Variants in PRDM2 observed in about 807,000 individuals in gnomAD.
PRDM2 encodes the protein PR domain zinc finger protein 2.
A neutral mutation model predicts 130.0 loss-of-function variants in PRDM2; 30 were observed. The ratio of observed to expected loss-of-function variants is 0.23; its 90% CI spans 0.17 to 0.31. PRDM2 has a LOEUF of 0.31. Among genes scored for constraint, PRDM2 ranks in the 10% least tolerant of loss-of-function variants. PRDM2 has a pLI of 1.00. For missense variants in PRDM2, 2,011 were observed against 2,108.4 expected (o/e 0.95, Z 0.90); for synonymous variants, 871 against 782.4 (o/e 1.11, Z -1.89).
intron 2 of PRDM2, among the ~76,000 whole-genome samples, chr1:13,716,226 T>C (rs891218667): frequency 5.3e-5 from 8 of 149,758 alleles, no homozygotes; most frequent in African/African-American, 1.5e-4. Context: ...CGCATATTCT[T>C]ATTCATAGGT....
intron 7 of PRDM2, 155 bp downstream of exon 7, chr1:13,773,343 G>A (rs1401910009): frequency 4.6e-6 from 2 of 435,104 alleles, no homozygotes; most frequent in Non-Finnish European, 8.3e-6. Context: ...GGTAAGCTGA[G>A]CCTTCTATAT....
In PRDM2 at chr1:13,726,292, C is replaced by T. The variant is rs147225474; in HGVS notation, c.10-4708C>T. On this transcript the variant is annotated intron_variant, in intron 2 of 9. Transcript: ENST00000311066. ...GTTATATTCCCTAAGCTCCTCACCC[C>T]GTCCAGCATGGAAAGGTCATCCTGG... Among the ~76,000 whole-genome samples, 44 of 152,304 alleles carry T rather than the reference C, an allele frequency of 2.9e-4. No individual in the cohort carries two copies. In the East Asian group the frequency reaches 7.5e-3, roughly 26 times the overall value.
chr1:13,715,456 C>A (rs1305444805), intron 1 of PRDM2, 85 bp from the exon 2 acceptor site: 1 of 528,004 alleles, frequency 1.9e-6, no homozygotes, highest in Non-Finnish European at 3.2e-6. Context: ...GCCCTTTCAG[C>A]AAACTCTACA....
At position 13,750,398 on chromosome 1, in the gene PRDM2, G is replaced by GT. The variant is rs542085989; in HGVS notation, c.511+921dup. Among the ~76,000 whole-genome samples the GT allele has an allele frequency of 4.4e-3, 626 of 143,078 alleles. 3 individuals carry two copies. Among genetic ancestry groups the GT allele is most frequent in the South Asian group, 0.04 (178 of 4,490 alleles). 93.9% of individuals were successfully genotyped at this position (143,078 alleles called of 152,430 possible). A position where few individuals can be genotyped will look rare whatever the true frequency, so the allele number is the denominator to read the frequency against. ...GTGTTTTTTGTTTTTTTGTTTTTTT[G>GT]TTTTTTTTTTGCTCTCCTTAGGTCT... On this transcript the variant is annotated intron_variant, in intron 6 of 9. Transcript: ENST00000311066.
rs565636821 is a variant in PRDM2 at position 13,778,520 on chromosome 1, C to G, written c.725C>G (p.Pro242Arg). 1.2e-6 allele frequency: 2 copies of G among 1,614,184 alleles called. No homozygotes were observed. Among genetic ancestry groups the G allele is most frequent in the South Asian group, 2.2e-5 (2 of 91,082 alleles). Reference protein sequence around the residue: ...SQEVPPELATPAPAWEPQPEP... With the variant: ...SQEVPPELATRAPAWEPQPEP... ...GAGGTGCCTCCAGAACTAGCAACCCCTGCCCCTGCCTGGGAGCCACAGCCA... is the reference window on the plus strand; with the variant it reads ...GAGGTGCCTCCAGAACTAGCAACCCGTGCCCCTGCCTGGGAGCCACAGCCA... Residue 242 changes from proline (P) to arginine (R), a missense_variant, in exon 8 of 10, where the codon CCT (proline) becomes CGT (arginine). Physicochemically the swap from Pro to Arg is moderately radical, Grantham distance 103. Coordinates refer to ENST00000311066, the MANE Select transcript of PRDM2 (RefSeq NM_001393986.1).
chr1:13,754,733 G>T (rs990632673), intron 6 of PRDM2, among the ~76,000 whole-genome samples: 10 of 152,240 alleles, frequency 6.6e-5, no homozygotes, highest in African/African-American at 2.4e-4. Flanking sequence ...GATGATGGTA[G>T]ATGGGCCCTA....
Position 13,778,784 on chromosome 1 carries a change from C to G in PRDM2, c.989C>G (p.Thr330Ser). ...LEEPKTTSEE[T>S]LEDCSEVTPA... ...GAACCAAAAACAACTTCAGAAGAAA[C>G]TCTTGAAGACTGCTCAGAGGTAACA... is the stretch of plus-strand genomic sequence containing the variant. Residue 330 changes from threonine to serine, a missense_variant, in exon 8 of 10, where the codon ACT becomes AGT. Thr to Ser is a moderately conservative substitution (Grantham distance 58). This residue lies in a region of PRDM2 where 1,288 missense variants were observed against 1,237.7 expected (regional missense o/e 1.04). Coordinates refer to ENST00000311066, the MANE Select transcript of PRDM2 (RefSeq NM_001393986.1). 1 of 1,613,982 alleles carries G rather than the reference C, an allele frequency of 6.2e-7. No homozygotes were observed. The highest frequency in any genetic ancestry group is 1.3e-5 in the African/African-American group (1 of 74,988).
chr1:13,794,573 C>T (rs935300179), intron 8 of PRDM2, among the ~76,000 whole-genome samples: 8 of 152,174 alleles, frequency 5.3e-5, no homozygotes, highest in African/African-American at 1.7e-4. Flanking sequence ...TCTCCGAGCC[C>T]GTTTTCCTTT....
At position 13,779,114 on chromosome 1, in the gene PRDM2, T is replaced by C; in HGVS notation, c.1319T>C (p.Val440Ala). 6.2e-7 allele frequency: 1 copy of C among 1,614,120 alleles called. No homozygotes were observed. Among genetic ancestry groups the C allele is most frequent in the South Asian group, 1.1e-5 (1 of 91,078 alleles). ...GATGGCAAAGCATCTGGAGAAAACG[T>C]TGCTTCAAAAGATGATTCGAGTCCT... is the stretch of plus-strand genomic sequence containing the variant. Reference protein sequence around the residue: ...LADGKASGENVASKDDSSPPS... With the variant: ...LADGKASGENAASKDDSSPPS... The change falls in exon 8 of 10, where the codon GTT becomes GCT. Residue 440 changes from valine to alanine, a missense_variant. Transcript: ENST00000311066. This position sits in a 1 kb window ranked among gnomAD's most constrained non-coding sequence, Gnocchi z 4.9.
At chr1:13,723,744 A>G (rs78095306) in intron 2 of PRDM2, among the ~76,000 whole-genome samples, 2,743 of 152,162 alleles carry the variant, frequency 0.018, 64 homozygotes, top group South Asian at 0.12. Flanking sequence ...ATCCACTTCC[A>G]TGGACTCCAT....
chr1:13,820,879 A>C (rs1378850370), intron 9 of PRDM2, among the ~76,000 whole-genome samples: 2 of 148,932 alleles, frequency 1.3e-5, no homozygotes, highest in African/African-American at 5.0e-5. Flanking sequence ...GAATACAGCC[A>C]CTCCATAGCC....
chr1:13,710,274 T>C (rs932748759), intron 1 of PRDM2, among the ~76,000 whole-genome samples: 1 of 152,204 alleles, frequency 6.6e-6, no homozygotes, highest in Non-Finnish European at 1.5e-5. Context: ...CTGTCCCACA[T>C]GTGTCTAGAT....
intron 8 of PRDM2, among the ~76,000 whole-genome samples, chr1:13,800,281 G>A (rs1007877407): frequency 3.3e-5 from 5 of 152,194 alleles, no homozygotes; most frequent in Middle Eastern, 3.2e-3. Flanking sequence ...ACACAGATGC[G>A]GGAATAGAGA....
chr1:13,719,043 G>C (rs1043939786), intron 2 of PRDM2, among the ~76,000 whole-genome samples: 1 of 152,112 alleles, frequency 6.6e-6, no homozygotes, highest in Admixed American at 6.6e-5. Context: ...TACTCCAAGA[G>C]GGAGACAGTT....
rs199937180 is a variant in PRDM2 at position 13,782,827 on chromosome 1, T to C, written c.5032T>C (p.Phe1678Leu). ...CAGCGCCAAGCAGGAGCTGAAGGAC[T>C]TCAGGTAAGCTCAGGAGCTGGTGGG... is the stretch of plus-strand genomic sequence containing the variant. ...DGSAKQELKD[F>L]SYSLRLASRC... Residue 1678 changes from phenylalanine (F) to leucine (L), a missense_variant, in exon 8 of 10, where the codon TTC (phenylalanine) becomes CTC (leucine). Around this residue, in one of 5 missense-constraint regions of PRDM2, gnomAD observed 410 missense variants for 395.9 expected, o/e 1.04. Transcript: ENST00000311066. 8.7e-6 allele frequency: 14 copies of C among 1,609,192 alleles called. No homozygotes were observed. The highest frequency in any genetic ancestry group is 2.2e-5 in the East Asian group (1 of 44,880).
chr1:13,777,277 C>G (rs761352165), intron 7 of PRDM2, among the ~76,000 whole-genome samples: 28 of 152,126 alleles, frequency 1.8e-4, no homozygotes, highest in Non-Finnish European at 2.4e-4. Flanking sequence ...CCTGCCTCTC[C>G]TGGAGGATGC....
At chr1:13,722,253 C>A (rs1426826460) in intron 2 of PRDM2, among the ~76,000 whole-genome samples, 2 of 152,118 alleles carry the variant, frequency 1.3e-5, no homozygotes, top group East Asian at 3.9e-4. Context: ...GCGGTCGTTG[C>A]GAGTTGTTGG....
At chr1:13,791,484 A>G (rs1010635222) in intron 8 of PRDM2, among the ~76,000 whole-genome samples, 4 of 152,188 alleles carry the variant, frequency 2.6e-5, no homozygotes, top group African/African-American at 9.6e-5. Flanking sequence ...ATCCTCAAGC[A>G]TCTCCTCAGA....
At chr1:13,756,579 C>CT (rs1358368964) in intron 6 of PRDM2, among the ~76,000 whole-genome samples, 10 of 152,160 alleles carry the variant, frequency 6.6e-5, no homozygotes, top group African/African-American at 2.4e-4. Flanking sequence ...ATGCTATTCT[C>CT]TAAGTGAAAA....
Sources: allele counts gnomAD v4.1 joint callset (sites outside exome capture counted in the v4.1 genomes callset), GRCh38; gene constraint gnomAD v4.1.1; regional missense constraint gnomAD v4.1.1; non-coding constraint Gnocchi (gnomAD v3.1); transcripts MANE v1.5; gene names NCBI Gene and HGNC (gene_info 2026-07-23, HGNC 2026-07-21).